The following ERLEC1 variants were observed in gnomAD, a reference collection of about 807,000 sequenced individuals.
ERLEC1 encodes the protein endoplasmic reticulum lectin 1, also known as ER lectin.
Under a neutral mutation model 68.0 loss-of-function variants are expected in ERLEC1, and 47 were observed. That is an observed-to-expected ratio of 0.69 (90% confidence interval 0.55 to 0.88). The LOEUF (loss-of-function observed/expected upper bound fraction) is 0.88. ERLEC1 is among the 40% of genes least tolerant of loss of function. The pLI, the probability that ERLEC1 is intolerant of heterozygous loss-of-function variation, is 0.00. For synonymous variants in ERLEC1, 225 were observed against 203.2 expected (o/e 1.11, Z -0.91); for missense variants, 567 against 583.8 (o/e 0.97, Z 0.30).
intron 8 of ERLEC1, among the ~76,000 whole-genome samples, chr2:53,803,513 C>G (rs1021803479): frequency 6.6e-6 from 1 of 151,084 alleles, no homozygotes; most frequent in Non-Finnish European, 1.5e-5. Context: ...CCTATAATCC[C>G]AACACTTTGG....
chr2:53,787,309 C>T lies in ERLEC1; in HGVS notation c.99C>T (p.Ala33=). ...TGGAGGCGTCCGGCGGCGGCCGAGC[C>T]CTTCCTCAACTCAGCGATGACATCC... ...GLLEASGGGR[A]LPQLSDDIPF... The change falls in exon 1 of 14, where the codon GCC becomes GCT. Residue 33 remains alanine, a synonymous_variant. Transcript: ENST00000185150. The T allele has an allele frequency of 6.2e-7, 1 of 1,611,048 alleles. No homozygotes were observed.
chr2:53,788,931 GT>G (rs970470128), intron 1 of ERLEC1, among the ~76,000 whole-genome samples: 7 of 151,586 alleles, frequency 4.6e-5, no homozygotes, highest in East Asian at 1.9e-4. Context: ...TGGCACCTGT[GT>G]TTTTTTTAAT....
At chr2:53,800,546 T>C (rs1246462054) in intron 6 of ERLEC1, among the ~76,000 whole-genome samples, 1 of 152,122 alleles carries the variant, frequency 6.6e-6, no homozygotes, top group African/African-American at 2.4e-5. Context: ...CATTTTTTCC[T>C]GAAAACATTA....
intron 1 of ERLEC1, among the ~76,000 whole-genome samples, chr2:53,788,047 G>T (rs1675165977): frequency 1.3e-5 from 2 of 152,182 alleles, no homozygotes; most frequent in South Asian, 4.1e-4. Context: ...TCGCGGAAAT[G>T]AAAATTCCCT....
intron 10 of ERLEC1, among the ~76,000 whole-genome samples, chr2:53,810,037 C>T (rs993771563): frequency 1.3e-5 from 2 of 152,030 alleles, no homozygotes; most frequent in African/African-American, 4.8e-5. Context: ...AGCAACAGAG[C>T]GAGACTCTGT....
intron 3 of ERLEC1, 38 bp downstream of exon 3, chr2:53,796,051 A>G: frequency 7.4e-7 from 1 of 1,346,890 alleles, no homozygotes; most frequent in Non-Finnish European, 1.0e-6. Context: ...TAGAAAATAG[A>G]TTACCAACAG....
chr2:53,818,182 G>A lies in ERLEC1; in HGVS notation c.*213G>A, dbSNP rs1415792858. On this transcript the variant is annotated 3_prime_UTR_variant, in exon 14 of 14. Transcript: ENST00000185150. ...TGTCTCGCTTTTTTTCATTTTTGTTGTGTCTTATAAACTGACTGTTTTTCT... is the reference window on the plus strand; with the variant it reads ...TGTCTCGCTTTTTTTCATTTTTGTTATGTCTTATAAACTGACTGTTTTTCT... 2.4e-6 allele frequency: 1 copy of A among 408,562 alleles called. No homozygotes were observed. The highest frequency in any genetic ancestry group is 2.0e-5 in the African/African-American group (1 of 50,212). 25.3% of individuals were successfully genotyped at this position (408,562 alleles called of 1,614,324 possible). A position where few individuals can be genotyped will look rare whatever the true frequency, so the allele number is the denominator to read the frequency against.
chr2:53,801,667 T>C, intron 7 of ERLEC1, 46 bp from the exon 8 acceptor site: 1 of 1,613,368 alleles, frequency 6.2e-7, no homozygotes, highest in Non-Finnish European at 8.5e-7. Flanking sequence ...ACACATGCTT[T>C]AAAGTGTTCT....
chr2:53,797,762 A>C lies in ERLEC1; in HGVS notation c.457A>C (p.Asn153His). The C allele has an allele frequency of 3.7e-6, 6 of 1,612,864 alleles. No individual in the cohort carries two copies. Among genetic ancestry groups the C allele is most frequent in the Non-Finnish European group, 5.1e-6 (6 of 1,179,388 alleles). The part of the protein sequence containing the change: ...KINIHEYYLG[N>H]MLAKNLLFEK... ...AAATATTCACGAGTACTACCTTGGG[A>C]ATATGTTGGCCAAGAACCTTCTATT... The change falls in exon 5 of 14, where the codon AAT becomes CAT. Residue 153 changes from asparagine to histidine, a missense_variant. Asn to His is a moderately conservative substitution (Grantham distance 68). Coordinates refer to ENST00000185150, the MANE Select transcript of ERLEC1 (RefSeq NM_015701.5).
Position 53,814,524 on chromosome 2 carries a change from G to T in ERLEC1, c.1227-19G>T. On this transcript the variant is annotated intron_variant, in intron 11 of 13. Transcript: ENST00000185150. ...GTGAGATTTTAGTTTAATAAAACTT[G>T]TGTGTTTCTCTGATTCAGGATGGTG... is the stretch of plus-strand genomic sequence containing the variant. 1 of 1,586,614 alleles carries T rather than the reference G, an allele frequency of 6.3e-7. No individual in the cohort carries two copies. Among genetic ancestry groups the T allele is most frequent in the Non-Finnish European group, 8.6e-7 (1 of 1,157,492 alleles).
rs185787254 is a variant in ERLEC1, at chr2:53,807,979, C to A, written c.880-320C>A. Reference sequence around the variant, plus strand: ...AGCGGAGGTTGTGGTGAGCTGAGACCGCACCAGCGCACTCCAGCCTGGGCG... The same window carrying A: ...AGCGGAGGTTGTGGTGAGCTGAGACAGCACCAGCGCACTCCAGCCTGGGCG... On this transcript the variant is annotated intron_variant, in intron 8 of 13. Coordinates refer to ENST00000185150, the MANE Select transcript of ERLEC1 (RefSeq NM_015701.5). Among the ~76,000 whole-genome samples, 10 of 151,284 alleles carry A rather than the reference C, an allele frequency of 6.6e-5. No homozygotes were observed. The East Asian group carries it at 2.0e-3, about 30-fold the overall frequency.
intron 10 of ERLEC1, among the ~76,000 whole-genome samples, chr2:53,810,881 G>A (rs1676557897): frequency 6.6e-6 from 1 of 152,030 alleles, no homozygotes; most frequent in South Asian, 2.1e-4. Context: ...AAAGGATAAA[G>A]TACCATTGAA....
chr2:53,791,646 G>A (rs1033741792), intron 1 of ERLEC1, among the ~76,000 whole-genome samples: 1 of 152,136 alleles, frequency 6.6e-6, no homozygotes, highest in African/African-American at 2.4e-5. Context: ...TGGGAAAGCA[G>A]CCTTTCCTAA....
In ERLEC1 at chr2:53,787,065, T is replaced by A. The variant is rs1675070172; in HGVS notation, c.-146T>A. ...GGGCGGAGGCGGCGTTGCCGGGCTCTCCGGAAGGAGACGTGGCGGCGGTTG... is the reference window on the plus strand; with the variant it reads ...GGGCGGAGGCGGCGTTGCCGGGCTCACCGGAAGGAGACGTGGCGGCGGTTG... On this transcript the variant is annotated 5_prime_UTR_variant, in exon 1 of 14. Coordinates refer to ENST00000185150, the MANE Select transcript of ERLEC1 (RefSeq NM_015701.5). 2 of 1,178,186 alleles carry A rather than the reference T, an allele frequency of 1.7e-6. No individual in the cohort carries two copies. The highest frequency in any genetic ancestry group is 1.6e-5 in the African/African-American group (1 of 64,470). 73.0% of individuals were successfully genotyped at this position (1,178,186 alleles called of 1,614,324 possible). A position where few individuals can be genotyped will look rare whatever the true frequency, so the allele number is the denominator to read the frequency against.
At chr2:53,806,689 A>G (rs370256533) in intron 8 of ERLEC1, among the ~76,000 whole-genome samples, 6 of 152,206 alleles carry the variant, frequency 3.9e-5, no homozygotes, top group Admixed American at 6.5e-5. Context: ...TACAAGCTGA[A>G]GTAGAAGCAA....
chr2:53,807,275 ACAAATTATTATTCT>A, intron 8 of ERLEC1, among the ~76,000 whole-genome samples: 1 of 152,240 alleles, frequency 6.6e-6, no homozygotes, highest in Non-Finnish European at 1.5e-5. Flanking sequence ...CACATAAATC[ACAAATTATTATTCT>A]TGTTTCAAGA....
rs754293120 is a variant in ERLEC1, at chr2:53,808,330, T to A, written c.911T>A (p.Phe304Tyr). Reference sequence around the variant, plus strand: ...TTGCAATCAACTAAAGAAGAGAGATTTCCAGCGATCCACAAGTCGATTGCT... The same window carrying A: ...TTGCAATCAACTAAAGAAGAGAGATATCCAGCGATCCACAAGTCGATTGCT... Reference protein sequence around the residue: ...EDLQSTKEERFPAIHKSIAIG... With the variant: ...EDLQSTKEERYPAIHKSIAIG... The change falls in exon 9 of 14, where the codon TTT becomes TAT. Residue 304 changes from phenylalanine (F) to tyrosine (Y), a missense_variant. By Grantham distance (22) the Phe-to-Tyr change is conservative. Coordinates refer to ENST00000185150, the MANE Select transcript of ERLEC1 (RefSeq NM_015701.5). 1 of 1,614,154 alleles carries A rather than the reference T, an allele frequency of 6.2e-7. No homozygotes were observed. The highest frequency in any genetic ancestry group is 1.1e-5 in the South Asian group (1 of 91,066).
intron 1 of ERLEC1, among the ~76,000 whole-genome samples, chr2:53,791,808 T>C (rs1326941392): frequency 6.6e-6 from 1 of 151,398 alleles, no homozygotes; most frequent in African/African-American, 2.4e-5. Context: ...GTTGGCACAA[T>C]TGAATAAATG....
At chr2:53,801,685 G>C (rs775159236) in intron 7 of ERLEC1, 28 bp from the exon 8 acceptor site, 1 of 1,613,648 alleles carries the variant, frequency 6.2e-7, no homozygotes, top group South Asian at 1.1e-5. Flanking sequence ...TCTGTGCATA[G>C]CTTTAATGCT....
Sources: gnomAD v4.1 joint callset for allele counts (sites outside exome capture counted in the v4.1 genomes callset) on GRCh38, gnomAD v4.1.1 for gene constraint, MANE v1.5 for transcripts, NCBI Gene and HGNC (gene_info 2026-07-23, HGNC 2026-07-21) for gene names.